The following GSTO2 variants were observed in gnomAD, a reference collection of about 807,000 sequenced individuals.
The protein encoded by GSTO2 is glutathione S-transferase omega-2.
A neutral mutation model predicts 28.4 loss-of-function variants in GSTO2; 23 were observed. The observed-to-expected ratio is 0.81, with a 90% confidence interval of 0.58 to 1.15. The LOEUF (loss-of-function observed/expected upper bound fraction) is 1.15. Among genes scored for constraint, GSTO2 ranks in the 50% most tolerant of loss-of-function variants. The pLI is 0.00. For missense variants in GSTO2, 298 were observed against 297.8 expected (o/e 1.00, Z 0.00); for synonymous variants, 109 against 111.0 (o/e 0.98, Z 0.11).
intron 6 of GSTO2, among the ~76,000 whole-genome samples, chr10:104,298,064 G>A (rs754674333): frequency 3.5e-4 from 54 of 152,154 alleles, no homozygotes; most frequent in Non-Finnish European, 6.8e-4. Context: ...CCTTAGTCAT[G>A]TCTCATTGCC....
intron 5 of GSTO2, among the ~76,000 whole-genome samples, chr10:104,280,190 A>G (rs1029773285): frequency 2.8e-5 from 4 of 142,402 alleles, no homozygotes; most frequent in African/African-American, 1.1e-4. Context: ...AAAAAAAAAA[A>G]AGCCAGAGGT....
At chr10:104,293,926 A>G (rs1252835415) in intron 5 of GSTO2, among the ~76,000 whole-genome samples, 1 of 152,082 alleles carries the variant, frequency 6.6e-6, no homozygotes, top group African/African-American at 2.4e-5. Flanking sequence ...TCCAGTGCAA[A>G]CCGGAGAGCC....
chr10:104,275,413 C>G, intron 3 of GSTO2, 79 bp downstream of exon 3: 2 of 1,330,340 alleles, frequency 1.5e-6, no homozygotes, highest in South Asian at 2.5e-5. Context: ...TCTGGGGCGC[C>G]CTGCTCAGCT....
chr10:104,290,470 A>G (rs1200850182), intron 5 of GSTO2, among the ~76,000 whole-genome samples: 1 of 151,714 alleles, frequency 6.6e-6, no homozygotes, highest in East Asian at 1.9e-4. Context: ...ACACCACTGC[A>G]CTCCAACTTG....
chr10:104,270,276 T>G (rs957421902), intron 1 of GSTO2, among the ~76,000 whole-genome samples: 4 of 152,300 alleles, frequency 2.6e-5, no homozygotes, highest in South Asian at 2.1e-4. Context: ...GCCTCCCAAA[T>G]CGCTGGGATT....
At chr10:104,280,231 T>A (rs1266979599) in intron 5 of GSTO2, among the ~76,000 whole-genome samples, 2 of 148,940 alleles carry the variant, frequency 1.3e-5, no homozygotes, top group Non-Finnish European at 3.0e-5. Context: ...GATGGCTTCT[T>A]CATGACATTA....
chr10:104,286,038 A>G (rs1372448498), intron 5 of GSTO2: 3 of 264,502 alleles, frequency 1.1e-5, no homozygotes, highest in Non-Finnish European at 2.3e-5. Flanking sequence ...TTTATCATCT[A>G]AGTTAACATG....
rs116365132 is a variant in GSTO2, at chr10:104,304,615, A to G, written c.*5331A>G. On this transcript the variant is annotated 3_prime_UTR_variant, in exon 7 of 7. Transcript: ENST00000338595. ...GATGGTCTCATCTATGCAAGGGCTT[A>G]GTACCAGCTGGGTGAAACTCAGTGA... 95 of 152,368 alleles carry G rather than the reference A, an allele frequency of 6.2e-4. No individual in the cohort carries two copies. Among genetic ancestry groups the G allele is most frequent in the African/African-American group, 2.1e-3 (89 of 41,586 alleles). 9.4% of individuals were successfully genotyped at this position (152,368 alleles called of 1,614,324 possible).
intron 5 of GSTO2, among the ~76,000 whole-genome samples, chr10:104,290,148 A>G (rs1230021205): frequency 6.6e-6 from 1 of 152,224 alleles, no homozygotes; most frequent in Non-Finnish European, 1.5e-5. Context: ...TTGTTGCAGC[A>G]CTGTTTACAA....
intron 3 of GSTO2, among the ~76,000 whole-genome samples, chr10:104,276,782 G>T (rs540842095): frequency 6.6e-6 from 1 of 152,126 alleles, no homozygotes; most frequent in African/African-American, 2.4e-5. Flanking sequence ...TCTGCTGTAG[G>T]TTTAAGACAA....
At chr10:104,292,396 G>T (rs1256038288) in intron 5 of GSTO2, among the ~76,000 whole-genome samples, 1 of 151,588 alleles carries the variant, frequency 6.6e-6, no homozygotes, top group Non-Finnish European at 1.5e-5. Flanking sequence ...GGCCTCAAGA[G>T]ATCCTTCCAC....
chr10:104,282,398 C>T (rs1283117143), intron 5 of GSTO2, among the ~76,000 whole-genome samples: 1 of 151,590 alleles, frequency 6.6e-6, no homozygotes, highest in Non-Finnish European at 1.5e-5. Context: ...TTAAAAAATA[C>T]AAAATGTTAG....
intron 2 of GSTO2, 99 bp downstream of exon 2, chr10:104,275,048 G>T: frequency 1.3e-6 from 2 of 1,498,208 alleles, no homozygotes; most frequent in Non-Finnish European, 1.8e-6. Flanking sequence ...GACCGGCGGG[G>T]CAGGAAGGGA....
chr10:104,297,500 T>G, intron 5 of GSTO2, 78 bp from the exon 6 acceptor site: 150 of 871,642 alleles, frequency 1.7e-4, no homozygotes, highest in Non-Finnish European at 2.3e-4. Flanking sequence ...GGAATTAATT[T>G]GAGATTTACA....
chr10:104,293,447 A>C (rs1262680508), intron 5 of GSTO2, among the ~76,000 whole-genome samples: 2 of 151,942 alleles, frequency 1.3e-5, no homozygotes, highest in African/African-American at 2.4e-5. Flanking sequence ...ATTTATTTTA[A>C]GATGGGGTCT....
At position 104,303,803 on chromosome 10, in the gene GSTO2, A is replaced by C. The variant is rs2013328382; in HGVS notation, c.*4519A>C. ...GGCCTAGGAGGACAGAATGACTCTG[A>C]GTATTAAAGTAGATTTAATCTAAAT... On this transcript the variant is annotated 3_prime_UTR_variant, in exon 7 of 7. Transcript: ENST00000338595. The C allele has an allele frequency of 6.6e-6, 1 of 152,224 alleles. No individual in the cohort carries two copies. Among genetic ancestry groups the C allele is most frequent in the Admixed American group, 6.5e-5 (1 of 15,288 alleles). The allele number at this position is 152,224 out of a possible 1,614,324, so 9.4% of individuals were successfully genotyped here.
chr10:104,274,634 G>C (rs1015929682), intron 1 of GSTO2, 51 bp from the exon 2 acceptor site: 2 of 549,590 alleles, frequency 3.6e-6, no homozygotes, highest in East Asian at 3.3e-5. Flanking sequence ...CATGTCCAGA[G>C]CAAGGGGGAG....
intron 3 of GSTO2, among the ~76,000 whole-genome samples, chr10:104,276,460 G>A (rs1174463959): frequency 6.6e-6 from 1 of 152,212 alleles, no homozygotes; most frequent in Non-Finnish European, 1.5e-5. Context: ...TGGGATAGAA[G>A]CTGTCCTGTC....
At chr10:104,275,480 G>T in intron 3 of GSTO2, 146 bp downstream of exon 3, 1 of 675,906 alleles carries the variant, frequency 1.5e-6, no homozygotes, top group Non-Finnish European at 2.5e-6. Context: ...ATAGCAAAGG[G>T]CGAGCTTTTT....
Sources: allele counts gnomAD v4.1 joint callset (sites outside exome capture counted in the v4.1 genomes callset), GRCh38; gene constraint gnomAD v4.1.1; transcripts MANE v1.5; gene names NCBI Gene and HGNC (gene_info 2026-07-23, HGNC 2026-07-21).